The following RABGEF1 variants were observed in gnomAD, a reference collection of about 807,000 sequenced individuals.
RABGEF1 encodes RAB guanine nucleotide exchange factor 1.
In RABGEF1, 26 loss-of-function variants were observed where a neutral mutation model predicts 57.3. The ratio of observed to expected loss-of-function variants is 0.45; its 90% CI spans 0.33 to 0.63. RABGEF1 has a LOEUF of 0.63. Ranked by LOEUF, RABGEF1 falls within the 20% of genes least tolerant of loss-of-function variation. The pLI is 0.02. For missense variants in RABGEF1, 464 were observed against 607.6 expected (o/e 0.76, Z 2.48); for synonymous variants, 185 against 210.7 (o/e 0.88, Z 1.06).
upstream of RABGEF1, among the ~76,000 whole-genome samples, chr7:66,677,372 G>A (rs1789346992): frequency 1.3e-5 from 2 of 152,096 alleles, no homozygotes; most frequent in Admixed American, 1.3e-4. Context: ...ATAAGTTTGA[G>A]ACCAGCTTAG....
chr7:66,709,882 A>G (rs975439719), intron 1 of RABGEF1, among the ~76,000 whole-genome samples: 23 of 152,246 alleles, frequency 1.5e-4, no homozygotes, highest in Admixed American at 5.9e-4. Context: ...ACTAGAAACA[A>G]TTGGGTATAC....
intron 4 of RABGEF1, among the ~76,000 whole-genome samples, chr7:66,786,359 T>G (rs1358170496): frequency 6.6e-6 from 1 of 152,260 alleles, no homozygotes; most frequent in African/African-American, 2.4e-5. Flanking sequence ...TATGGCAGTA[T>G]AATGCTTTAC....
the RABGEF1 span, among the ~76,000 whole-genome samples, chr7:66,670,993 GTATCTATATA>G: frequency 6.6e-6 from 1 of 151,030 alleles, no homozygotes. Context: ...CATTATTTAT[GTATCTATATA>G]TATCTATATC....
At chr7:66,796,890 C>CTGGTAAGTTTTTTTTT in intron 5 of RABGEF1, 1 of 446,492 alleles carries the variant, frequency 2.2e-6, no homozygotes, top group South Asian at 1.6e-5. Flanking sequence ...CCGCACCCAG[C>CTGGTAAGTTTTTTTTT]TGGTAAGTTT....
chr7:66,675,769 A>G, the RABGEF1 span, among the ~76,000 whole-genome samples: 1 of 152,190 alleles, frequency 6.6e-6, no homozygotes, highest in Non-Finnish European at 1.5e-5. Context: ...AATTAGTTGC[A>G]TTTTTGCACA....
rs201992340 is a variant in RABGEF1 at position 66,743,926 on chromosome 7, C to T, written c.-18+3134C>T. Among the ~76,000 whole-genome samples the T allele has an allele frequency of 3.9e-4, 60 of 152,222 alleles. No homozygotes were observed. In the East Asian group the frequency reaches 9.1e-3, roughly 23 times the overall value. ...GATTACAAACATGAGCCACTGCACC[C>T]GGCCCTAAAATGGAATTTTATGTAA... On this transcript the variant is annotated intron_variant, in intron 1 of 8. Coordinates refer to ENST00000284957, the MANE Select transcript of RABGEF1 (RefSeq NM_014504.3).
At chr7:66,663,598 G>T in the RABGEF1 span, among the ~76,000 whole-genome samples, 5 of 139,008 alleles carry the variant, frequency 3.6e-5, no homozygotes, top group Non-Finnish European at 7.7e-5. Flanking sequence ...AAACTAGTGT[G>T]GGGGAGGGGG....
At chr7:66,681,597 T>G (rs952065732), upstream of RABGEF1, among the ~76,000 whole-genome samples, 22 of 151,498 alleles carry the variant, frequency 1.5e-4, no homozygotes, top group East Asian at 5.8e-4. Context: ...AGATGGGGGC[T>G]CTCCCTCTGT....
intron 1 of RABGEF1, among the ~76,000 whole-genome samples, chr7:66,694,346 T>A (rs1791998624): frequency 6.6e-6 from 1 of 152,162 alleles, no homozygotes; most frequent in Non-Finnish European, 1.5e-5. Flanking sequence ...GGAAGGTTCA[T>A]TACAGGCAGC....
chr7:66,759,401 C>G (rs1042497674), intron 1 of RABGEF1, among the ~76,000 whole-genome samples: 1 of 152,210 alleles, frequency 6.6e-6, no homozygotes, highest in Non-Finnish European at 1.5e-5. Flanking sequence ...TAAACTCTAG[C>G]AACATGTGTG....
At chr7:66,713,267 G>A (rs1030288480) in intron 2 of RABGEF1, among the ~76,000 whole-genome samples, 19 of 151,056 alleles carry the variant, frequency 1.3e-4, no homozygotes, top group African/African-American at 4.6e-4. Context: ...TCAGCCTCCC[G>A]AGTAGGTGGG....
At chr7:66,718,565 T>TA (rs34193736) in intron 2 of RABGEF1, among the ~76,000 whole-genome samples, 51,242 of 150,262 alleles carry the variant, frequency 0.34, 9,018 homozygotes, top group Middle Eastern at 0.49. Flanking sequence ...GTTTAATTTA[T>TA]AAAAAAAAAA....
intron 1 of RABGEF1, chr7:66,755,964 C>A: frequency 2.1e-6 from 2 of 945,572 alleles, no homozygotes; most frequent in Non-Finnish European, 3.0e-6. Flanking sequence ...TTGACATTCA[C>A]ATTCATTTTG....
At chr7:66,770,709 C>T (rs1806884613) in intron 1 of RABGEF1, among the ~76,000 whole-genome samples, 1 of 152,196 alleles carries the variant, frequency 6.6e-6, no homozygotes, top group Admixed American at 6.5e-5. Flanking sequence ...GTCCTGAACT[C>T]CTAGCCTCAA....
At chr7:66,664,055 CAGTG>C in the RABGEF1 span, among the ~76,000 whole-genome samples, 1 of 137,856 alleles carries the variant, frequency 7.3e-6, no homozygotes, top group South Asian at 2.3e-4. Flanking sequence ...GCCTGGGTGA[CAGTG>C]AGACTTCGTC....
intron 1 of RABGEF1, among the ~76,000 whole-genome samples, chr7:66,694,189 G>A (rs911786548): frequency 3.9e-5 from 6 of 152,244 alleles, no homozygotes; most frequent in African/African-American, 9.6e-5. Context: ...TGCTCTCAAA[G>A]AGGTCCCAAT....
In RABGEF1 at chr7:66,716,706, C is replaced by T. The variant is rs538704490; in HGVS notation, c.-815+4482C>T. 2.6e-4 allele frequency among the ~76,000 whole-genome samples: 39 copies of T among 152,108 alleles called. No homozygotes were observed. In the East Asian group the frequency reaches 6.6e-3, roughly 26 times the overall value. On this transcript the variant is annotated intron_variant and NMD_transcript_variant, in intron 2 of 9. Coordinates refer to the RABGEF1 transcript ENST00000607882. ...TGTCTTTTAGTTGGTGTGAATAGACCATTTACATTCATTGTTATTGTTGAT... is the reference window on the plus strand; with the variant it reads ...TGTCTTTTAGTTGGTGTGAATAGACTATTTACATTCATTGTTATTGTTGAT...
chr7:66,792,694 A>G (rs925457985), intron 4 of RABGEF1, among the ~76,000 whole-genome samples: 2 of 152,234 alleles, frequency 1.3e-5, no homozygotes, highest in African/African-American at 4.8e-5. Context: ...GCTCACAGAT[A>G]GGTAGAAAGA....
intron 2 of RABGEF1, chr7:66,773,627 T>G (rs1562828434): frequency 6.6e-6 from 3 of 452,956 alleles, no homozygotes; most frequent in East Asian, 1.4e-4. Flanking sequence ...GAATCATACT[T>G]GGAAAATCAT....
Sources: gnomAD v4.1 joint callset for allele counts (sites outside exome capture counted in the v4.1 genomes callset) on GRCh38, gnomAD v4.1.1 for gene constraint, MANE v1.5 for transcripts, NCBI Gene and HGNC (gene_info 2026-07-23, HGNC 2026-07-21) for gene names.